Variants in MGAM2 observed in about 807,000 individuals in gnomAD.
MGAM2 encodes probable maltase-glucoamylase 2.
Under a neutral mutation model 96.1 loss-of-function variants are expected in MGAM2, and 98 were observed. That is an observed-to-expected ratio of 1.02 (90% CI 0.87 to 1.21). The LOEUF (loss-of-function observed/expected upper bound fraction) is 1.21, where lower values mean the gene tolerates loss of function less well. Ranked by LOEUF, MGAM2 falls within the 50% of genes most tolerant of loss-of-function variation. The probability of loss-of-function intolerance (pLI) is 0.00; values close to 1 mark genes in which losing one functional copy is unlikely to be tolerated. For synonymous variants in MGAM2, 749 were observed against 414.8 expected, an observed-to-expected ratio of 1.81 and a Z score of -9.79; for missense variants, 2,055 against 1,182.4, an observed-to-expected ratio of 1.74 and a Z score of -10.82.
intron 25 of MGAM2, 46 bp from the exon 26 acceptor site, chr7:142,167,222 T>TC: frequency 1.6e-6 from 1 of 642,374 alleles, no homozygotes; most frequent in Non-Finnish European, 2.8e-6. Context: ...ATGAGAGCCT[T>TC]AGTGTTGTAT....
Position 142,222,273 on chromosome 7 carries a change from G to T in MGAM2, c.*214G>T. ...TACAAACCTTATAGGTTTCACCAAA[G>T]AAGCTGTGGGTACTTATTTTGCAAC... On this transcript the variant is annotated 3_prime_UTR_variant, in exon 48 of 48. Coordinates refer to ENST00000477922, the MANE Select transcript of MGAM2 (RefSeq NM_001293626.2). 2.6e-6 allele frequency: 1 copy of T among 377,836 alleles called. No homozygotes were observed. The highest frequency in any genetic ancestry group is 4.7e-6 in the Non-Finnish European group (1 of 212,608). The allele number at this position is 377,836 out of a possible 1,614,324, so 23.4% of individuals were successfully genotyped here. A position where few individuals can be genotyped will look rare whatever the true frequency, so the allele number is the denominator to read the frequency against.
intron 37 of MGAM2, among the ~76,000 whole-genome samples, chr7:142,190,891 T>C (rs1796847990): frequency 6.6e-6 from 1 of 152,014 alleles, no homozygotes; most frequent in South Asian, 2.1e-4. Flanking sequence ...TCTCAGTACT[T>C]TGGGAGGCCG....
chr7:142,138,811 G>T, intron 10 of MGAM2, 144 bp downstream of exon 10: 2 of 594,840 alleles, frequency 3.4e-6, no homozygotes, highest in Non-Finnish European at 6.0e-6. Flanking sequence ...TGCATGTTAA[G>T]TTATGTATCT....
chr7:142,127,358 AT>A (rs371337715), intron 3 of MGAM2, among the ~76,000 whole-genome samples: 5,529 of 149,896 alleles, frequency 0.037, 118 homozygotes, highest in Middle Eastern at 0.099. Context: ...CATATTTTCC[AT>A]TTTTTTTATA....
At position 142,183,240 on chromosome 7, in the gene MGAM2, T is replaced by C. The variant is rs1285279163; in HGVS notation, c.3817-26T>C. Reference sequence around the variant, plus strand: ...TTCTTAGAGATGTTTTCCTCACATTTGCTGTTTGAAATTCTTTTACTGCAG... The same window carrying C: ...TTCTTAGAGATGTTTTCCTCACATTCGCTGTTTGAAATTCTTTTACTGCAG... On this transcript the variant is annotated intron_variant, in intron 32 of 47. Transcript: ENST00000477922. The C allele has an allele frequency of 4.3e-6, 3 of 695,544 alleles. No individual in the cohort carries two copies. The Admixed American group carries it at 6.2e-5, about 14-fold the overall frequency. 43.1% of individuals were successfully genotyped at this position (695,544 alleles called of 1,614,324 possible). A position where few individuals can be genotyped will look rare whatever the true frequency, so the allele number is the denominator to read the frequency against.
chr7:142,135,672 C>T (rs921292124), intron 7 of MGAM2, among the ~76,000 whole-genome samples: 17 of 150,720 alleles, frequency 1.1e-4, no homozygotes, highest in African/African-American at 3.7e-4. Context: ...ACTTGTAAAA[C>T]GTTCTCCGTA....
rs1018431711 is a variant in MGAM2 at position 142,161,108 on chromosome 7, G to A, written c.2346-17G>A. 4 of 701,992 alleles carry A rather than the reference G, an allele frequency of 5.7e-6. No homozygotes were observed. The highest frequency in any genetic ancestry group is 2.7e-5 in the East Asian group (1 of 37,254). 43.5% of individuals were successfully genotyped at this position (701,992 alleles called of 1,614,324 possible). ...TCTCATCTACATTCTCTGAAACTGG[G>A]AAGTACTCTTTTACAGCCGGAGGAA... On this transcript the variant is annotated splice_polypyrimidine_tract_variant and intron_variant, in intron 21 of 47. Transcript: ENST00000477922.
Position 142,158,007 on chromosome 7 carries a change from G to A in MGAM2, c.1994G>A (p.Arg665His), listed in dbSNP as rs1795785436. 7.1e-6 allele frequency: 5 copies of A among 702,864 alleles called. No individual in the cohort carries two copies. Among genetic ancestry groups the A allele is most frequent in the South Asian group, 1.5e-5 (1 of 67,592 alleles). The allele number at this position is 702,864 out of a possible 1,614,324, so 43.5% of individuals were successfully genotyped here. Residue 665 changes from arginine (R) to histidine (H), a missense_variant, in exon 18 of 48, where the codon CGC (arginine) becomes CAC (histidine). Arg to His is a conservative substitution (Grantham distance 29, BLOSUM62 0). Transcript: ENST00000477922. ...LKSSRHYLNI[R>H]YTLLPYLYTL... ...TCCTCCAGACATTATCTGAACATCC[G>A]CTACACCTTGCTGCCCTATCTCTAT... is the stretch of plus-strand genomic sequence containing the variant.
chr7:142,205,035 T>C (rs1438158989), intron 45 of MGAM2, among the ~76,000 whole-genome samples: 1 of 152,124 alleles, frequency 6.6e-6, no homozygotes, highest in African/African-American at 2.4e-5. Context: ...TTGTGAAAGA[T>C]GAACGTTTAA....
chr7:142,199,048 T>A lies in MGAM2; in HGVS notation c.5048+309T>A, dbSNP rs561203901. Among the ~76,000 whole-genome samples the A allele has an allele frequency of 7.2e-5, 11 of 152,344 alleles. No individual in the cohort carries two copies. The East Asian group carries it at 1.9e-3, about 27-fold the overall frequency. ...GTTAAAAAGGAATAGGGAATGTTAA[T>A]GAGCTCTTTGACTTGTGATTGAACA... On this transcript the variant is annotated intron_variant, in intron 44 of 47. Transcript: ENST00000477922.
chr7:142,127,503 C>T lies in MGAM2; in HGVS notation c.187-3445C>T, dbSNP rs553243587. ...GTTCTAAATCTTAACAGTACACATT[C>T]CTCATTTTTTTAATGGAAGTGATAT... On this transcript the variant is annotated intron_variant, in intron 3 of 47. Transcript: ENST00000477922. Among the ~76,000 whole-genome samples the T allele has an allele frequency of 5.3e-5, 8 of 152,100 alleles. No homozygotes were observed. The South Asian group carries it at 1.5e-3, about 28-fold the overall frequency.
intron 12 of MGAM2, among the ~76,000 whole-genome samples, chr7:142,143,253 G>C (rs1795285796): frequency 1.3e-5 from 2 of 152,132 alleles, no homozygotes; most frequent in South Asian, 4.1e-4. Context: ...GCTATTGTTT[G>C]ATAGGCATAG....
chr7:142,147,338 T>G, intron 14 of MGAM2, 118 bp from the exon 15 acceptor site: 1 of 560,548 alleles, frequency 1.8e-6, no homozygotes, highest in Non-Finnish European at 3.2e-6. Flanking sequence ...CTGGAATGGA[T>G]TTGGTCAGGT....
intron 13 of MGAM2, among the ~76,000 whole-genome samples, chr7:142,144,199 T>G (rs1795318171): frequency 6.6e-6 from 1 of 152,176 alleles, no homozygotes; most frequent in Admixed American, 6.5e-5. Flanking sequence ...TTTGTAGCAT[T>G]GATTCATAAA....
intron 17 of MGAM2, among the ~76,000 whole-genome samples, chr7:142,155,944 G>A (rs1438706555): frequency 6.6e-6 from 1 of 152,176 alleles, no homozygotes; most frequent in African/African-American, 2.4e-5. Context: ...TCCGGAGTTT[G>A]AGACCAGCCT....
Position 142,222,072 on chromosome 7 carries a change from G to A in MGAM2, c.*13G>A, listed in dbSNP as rs910934704. ...TCAAGTTCCATGATTACTACTCAAG[G>A]CAGGATAGTTACCTCAGATAACGCC... On this transcript the variant is annotated 3_prime_UTR_variant, in exon 48 of 48. Coordinates refer to ENST00000477922, the MANE Select transcript of MGAM2 (RefSeq NM_001293626.2). 21 of 398,034 alleles carry A rather than the reference G, an allele frequency of 5.3e-5. No individual in the cohort carries two copies. The East Asian group carries it at 7.5e-4, about 14-fold the overall frequency. 24.7% of individuals were successfully genotyped at this position (398,034 alleles called of 1,614,324 possible). A position where few individuals can be genotyped will look rare whatever the true frequency, so the allele number is the denominator to read the frequency against.
intron 10 of MGAM2, among the ~76,000 whole-genome samples, chr7:142,140,292 A>G (rs569966680): frequency 5.3e-5 from 8 of 152,302 alleles, no homozygotes; most frequent in African/African-American, 1.7e-4. Context: ...TGCAAACACA[A>G]GGAAAAATGT....
At chr7:142,203,629 A>G (rs1417301230) in intron 45 of MGAM2, among the ~76,000 whole-genome samples, 2 of 152,202 alleles carry the variant, frequency 1.3e-5, no homozygotes, top group Admixed American at 6.5e-5. Context: ...CCAAAATAGC[A>G]TAGTACTGGT....
intron 1 of MGAM2, among the ~76,000 whole-genome samples, chr7:142,114,925 A>AT (rs922594664): frequency 3.3e-5 from 5 of 152,118 alleles, no homozygotes; most frequent in African/African-American, 9.7e-5. Context: ...AGAAGGAACA[A>AT]TTTTTTAAAT....
Sources: allele counts gnomAD v4.1 joint callset (sites outside exome capture counted in the v4.1 genomes callset), GRCh38; gene constraint gnomAD v4.1.1; transcripts MANE v1.5; gene names NCBI Gene and HGNC (gene_info 2026-07-23, HGNC 2026-07-21).